The following DCBLD1 variants were observed in gnomAD, a reference collection of about 807,000 sequenced individuals.
The protein encoded by DCBLD1 is discoidin, CUB and LCCL domain-containing protein 1.
DCBLD1 carries 57 observed loss-of-function variants against 71.5 expected under a neutral mutation model. The ratio of observed to expected loss-of-function variants is 0.80; its 90% CI spans 0.64 to 0.99. DCBLD1 has a LOEUF of 0.99. Among genes scored for constraint, DCBLD1 ranks in the 50% least tolerant of loss-of-function variants. The probability of loss-of-function intolerance (pLI) is 0.00; values close to 1 mark genes in which losing one functional copy is unlikely to be tolerated. For missense variants in DCBLD1, 891 were observed against 923.5 expected (o/e 0.96, Z 0.46); for synonymous variants, 380 against 363.8 (o/e 1.04, Z -0.51).
intron 14 of DCBLD1, chr6:117,561,630 A>G (rs977313703): frequency 1.5e-5 from 3 of 204,102 alleles, no homozygotes; most frequent in Non-Finnish European, 3.0e-5. Context: ...GCAAACAATA[A>G]CATGTAACTT....
Position 117,548,993 on chromosome 6 carries a change from C to T in DCBLD1, c.*554C>T, listed in dbSNP as rs1446608781. On this transcript the variant is annotated 3_prime_UTR_variant, in exon 15 of 15. Transcript: ENST00000338728. ...CTGAAAGCATTTTTAACATTCTTCT[C>T]CTGGAAGAAATGAATTACTTGAAGC... 5.1e-6 allele frequency: 5 copies of T among 986,580 alleles called. No homozygotes were observed. In the East Asian group the frequency reaches 4.5e-4, roughly 89 times the overall value. The allele number at this position is 986,580 out of a possible 1,614,324, so 61.1% of individuals were successfully genotyped here.
chr6:117,563,528 C>T, intron 14 of DCBLD1: 1 of 690,530 alleles, frequency 1.4e-6, no homozygotes, highest in East Asian at 2.7e-5. Flanking sequence ...TCGAGACCAG[C>T]CTGGACAATG....
rs922982807 is a variant in DCBLD1, at chr6:117,545,592, T to G, written c.1610T>G (p.Met537Arg). The change falls in exon 14 of 15, where the codon ATG becomes AGG. Residue 537 changes from methionine (M) to arginine (R), a missense_variant. Coordinates refer to ENST00000338728, the MANE Select transcript of DCBLD1 (RefSeq NM_001366458.2). ...AAGTTAGATCTCATCACAAGTGATA[T>G]GGCAGGTAAGTGTCATATTTCTAGG... ...TQKLDLITSD[M>R]ADYQQPLMIG... The G allele has an allele frequency of 2.5e-6, 4 of 1,613,842 alleles. No homozygotes were observed. Among genetic ancestry groups the G allele is most frequent in the Non-Finnish European group, 3.4e-6 (4 of 1,179,854 alleles).
chr6:117,530,018 A>G (rs970993920), intron 5 of DCBLD1, among the ~76,000 whole-genome samples: 3 of 152,312 alleles, frequency 2.0e-5, no homozygotes, highest in South Asian at 2.1e-4. Context: ...GGGACATGCC[A>G]AGTCCAGTGA....
In DCBLD1 at chr6:117,538,841, G is replaced by C; in HGVS notation, c.976+6G>C. The C allele has an allele frequency of 6.2e-7, 1 of 1,607,376 alleles. No homozygotes were observed. The highest frequency in any genetic ancestry group is 1.1e-5 in the South Asian group (1 of 90,142). Reference sequence around the variant, plus strand: ...GGAGAAAAAGAAAATAACAGGTGCAGAAAATAACACAAGTGCCAAGTGCAG... The same window carrying C: ...GGAGAAAAAGAAAATAACAGGTGCACAAAATAACACAAGTGCCAAGTGCAG... On this transcript the variant is annotated splice_donor_region_variant and intron_variant, in intron 8 of 14. Transcript: ENST00000338728.
At chr6:117,490,106 C>CAG (rs202047799) in intron 1 of DCBLD1, among the ~76,000 whole-genome samples, 1,472 of 143,004 alleles carry the variant, frequency 0.01, 25 homozygotes, top group African/African-American at 0.035. Flanking sequence ...CACACACACA[C>CAG]ACACACACAC....
chr6:117,516,000 A>G (rs1051192489), intron 2 of DCBLD1, among the ~76,000 whole-genome samples: 9 of 152,084 alleles, frequency 5.9e-5, no homozygotes, highest in Non-Finnish European at 1.2e-4. Flanking sequence ...TTTTTAATAT[A>G]TTCATTTTTA....
chr6:117,556,707 A>G (rs1365629842), intron 14 of DCBLD1, among the ~76,000 whole-genome samples: 1 of 152,138 alleles, frequency 6.6e-6, no homozygotes, highest in Non-Finnish European at 1.5e-5. Flanking sequence ...TATCTTTTCA[A>G]TATAATTTCT....
At chr6:117,562,575 A>T (rs1779606568) in intron 14 of DCBLD1, 2 of 203,130 alleles carry the variant, frequency 9.8e-6, no homozygotes, top group East Asian at 1.5e-4. Flanking sequence ...AAACAAAAAA[A>T]GTAAAATGTT....
At position 117,540,691 on chromosome 6, in the gene DCBLD1, T is replaced by G; in HGVS notation, c.1125T>G (p.Phe375Leu). The change falls in exon 10 of 15, where the codon TTT (phenylalanine) becomes TTG (leucine). Residue 375 changes from phenylalanine to leucine, a missense_variant. Physicochemically the swap from Phe to Leu is conservative, Grantham distance 22 (BLOSUM62 0). Coordinates refer to ENST00000338728, the MANE Select transcript of DCBLD1 (RefSeq NM_001366458.2). ...AGGTGTTTCAGGGTAACTCTAACTT[T>G]CGGGACCCAGTGCAAAACAATTTCA... ...EEKVFQGNSN[F>L]RDPVQNNFIP... is the part of the protein sequence containing the mutation. The G allele has an allele frequency of 6.2e-7, 1 of 1,614,204 alleles. No homozygotes were observed. The highest frequency in any genetic ancestry group is 8.5e-7 in the Non-Finnish European group (1 of 1,180,034).
At chr6:117,559,725 TTATAAAACCACCTAAAA>T (rs1178225129) in intron 14 of DCBLD1, among the ~76,000 whole-genome samples, 71 of 152,324 alleles carry the variant, frequency 4.7e-4, no homozygotes, top group African/African-American at 1.6e-3. Context: ...TTAAGGTTAG[TTATAAAACCACCTAAAA>T]TAAAATACTG....
chr6:117,497,894 A>G (rs1777522518), intron 1 of DCBLD1, among the ~76,000 whole-genome samples: 1 of 152,222 alleles, frequency 6.6e-6, no homozygotes, highest in Non-Finnish European at 1.5e-5. Context: ...GGAAAAATGT[A>G]TAAATAAAAT....
downstream of DCBLD1, among the ~76,000 whole-genome samples, chr6:117,552,982 A>C (rs1779451098): frequency 6.6e-6 from 1 of 151,774 alleles, no homozygotes; most frequent in South Asian, 2.1e-4. Context: ...TTTTCACTCC[A>C]TTTTCTTTCC....
chr6:117,505,929 C>T (rs1230310325), intron 2 of DCBLD1, among the ~76,000 whole-genome samples: 2 of 152,150 alleles, frequency 1.3e-5, no homozygotes, highest in Non-Finnish European at 2.9e-5. Flanking sequence ...AGCTTTCAAG[C>T]TTAGATGCAT....
intron 9 of DCBLD1, chr6:117,540,458 A>T: frequency 3.7e-6 from 2 of 534,604 alleles, no homozygotes; most frequent in Non-Finnish European, 6.5e-6. Context: ...AATGAAATTT[A>T]AATCAGTAAA....
chr6:117,547,558 G>GT (rs1322532083), intron 14 of DCBLD1: 6 of 552,912 alleles, frequency 1.1e-5, no homozygotes, highest in Middle Eastern at 2.8e-4. Flanking sequence ...TTTCGAGGCT[G>GT]TTTTTTTCTC....
chr6:117,568,026 CAA>C (rs779227271), intron 14 of DCBLD1, among the ~76,000 whole-genome samples: 9 of 46,640 alleles, frequency 1.9e-4, no homozygotes, highest in South Asian at 7.1e-4. Flanking sequence ...CCCATCTCTA[CAA>C]AAAAAAAAAA....
At position 117,548,449 on chromosome 6, in the gene DCBLD1, G is replaced by A; in HGVS notation, c.*10G>A. The A allele has an allele frequency of 6.4e-7, 1 of 1,550,446 alleles. No homozygotes were observed. The highest frequency in any genetic ancestry group is 8.7e-7 in the Non-Finnish European group (1 of 1,147,008). ...GACTGCCCTTTTGTGAACACAATGT[G>A]AAAGAAGCCTGCTGTGGTACTGAGC... is the stretch of plus-strand genomic sequence containing the variant. On this transcript the variant is annotated 3_prime_UTR_variant, in exon 15 of 15. Transcript: ENST00000338728.
chr6:117,502,913 C>T lies in DCBLD1; in HGVS notation c.113-854C>T, dbSNP rs116174117. On this transcript the variant is annotated intron_variant, in intron 1 of 14. Coordinates refer to ENST00000338728, the MANE Select transcript of DCBLD1 (RefSeq NM_001366458.2). Reference sequence around the variant, plus strand: ...AGGTTAATAGGTGAACTTCCCTATTCAGAAAAGTCTTCAGATAATTTCTTG... The same window carrying T: ...AGGTTAATAGGTGAACTTCCCTATTTAGAAAAGTCTTCAGATAATTTCTTG... Among the ~76,000 whole-genome samples, 1,333 of 152,292 alleles carry T rather than the reference C, an allele frequency of 8.8e-3. 21 individuals are homozygous for T. The highest frequency in any genetic ancestry group is 0.03 in the African/African-American group (1,255 of 41,564).
Sources: gnomAD v4.1 joint callset for allele counts (sites outside exome capture counted in the v4.1 genomes callset) on GRCh38, gnomAD v4.1.1 for gene constraint, MANE v1.5 for transcripts, NCBI Gene and HGNC (gene_info 2026-07-23, HGNC 2026-07-21) for gene names.